Variants in CEACAM20 observed in about 807,000 individuals in gnomAD.
CEACAM20 encodes CEA cell adhesion molecule 20.
Under a neutral mutation model 61.2 loss-of-function variants are expected in CEACAM20, and 50 were observed. The observed-to-expected ratio is 0.82, with a 90% CI of 0.65 to 1.03. The LOEUF (loss-of-function observed/expected upper bound fraction) is 1.03. CEACAM20 is among the 50% of genes least tolerant of loss of function. The probability of loss-of-function intolerance (pLI) is 0.00; values close to 1 mark genes in which losing one functional copy is unlikely to be tolerated. For missense variants in CEACAM20, 683 were observed against 736.4 expected, an observed-to-expected ratio of 0.93 and a Z score of 0.84; for synonymous variants, 282 against 287.7, an observed-to-expected ratio of 0.98 and a Z score of 0.20.
At chr19:44,515,014 T>G (rs1352181971) in intron 6 of CEACAM20, among the ~76,000 whole-genome samples, 1 of 151,794 alleles carries the variant, frequency 6.6e-6, no homozygotes, top group Non-Finnish European at 1.5e-5. Context: ...ATTTTTGTAT[T>G]TTTAGTAGAG....
At position 44,520,665 on chromosome 19, in the gene CEACAM20, T is replaced by C. The variant is rs766165296; in HGVS notation, c.839A>G (p.Asn280Ser). 4 of 1,614,038 alleles carry C rather than the reference T, an allele frequency of 2.5e-6. No homozygotes were observed. Among genetic ancestry groups the C allele is most frequent in the South Asian group, 1.1e-5 (1 of 91,088 alleles). The change falls in exon 5 of 12, where the codon AAT becomes AGT. Residue 280 changes from asparagine to serine, a missense_variant. Coordinates refer to ENST00000614924, the MANE Select transcript of CEACAM20 (RefSeq NM_001102597.3). ...RSVDLTCQTV[N>S]QSVNVQWFLS... ...GAACCACTGGACATTCACACTCTGA[T>C]TGACGGTTTGGCAGGTCAGGTCCAC...
rs113191889 is a variant in CEACAM20, at chr19:44,524,753, GT to G, written c.196+347del. On this transcript the variant is annotated intron_variant, in intron 2 of 11. Transcript: ENST00000614924. ...CACCACCAAACCTGGAGGATTTTGT[GT>G]TTTTTTTGTACACATGGGGTCCCCC... Among the ~76,000 whole-genome samples the G allele has an allele frequency of 8.6e-5, 13 of 151,838 alleles. No homozygotes were observed. The East Asian group carries it at 1.4e-3, about 16-fold the overall frequency.
intron 1 of CEACAM20, among the ~76,000 whole-genome samples, chr19:44,528,755 G>A (rs569553438): frequency 1.3e-5 from 2 of 150,686 alleles, no homozygotes; most frequent in South Asian, 4.2e-4. Flanking sequence ...TCAGTCTCTT[G>A]CATCTGTATT....
chr19:44,511,506 T>C, intron 10 of CEACAM20, 131 bp downstream of exon 10: 1 of 946,144 alleles, frequency 1.1e-6, no homozygotes, highest in Non-Finnish European at 1.6e-6. Flanking sequence ...GCTACTCTCT[T>C]CCCATCCCTG....
chr19:44,518,235 AAAGG>A lies in CEACAM20; in HGVS notation c.1031-1015_1031-1012del, dbSNP rs1359785245. 2.5e-3 allele frequency among the ~76,000 whole-genome samples: 129 copies of A among 52,634 alleles called. 1 individual carries two copies. Among genetic ancestry groups the A allele is most frequent in the African/African-American group, 0.014 (77 of 5,408 alleles). 34.5% of individuals were successfully genotyped at this position (52,634 alleles called of 152,430 possible). A position where few individuals can be genotyped will look rare whatever the true frequency, so the allele number is the denominator to read the frequency against. On this transcript the variant is annotated intron_variant, in intron 5 of 11. Coordinates refer to ENST00000614924, the MANE Select transcript of CEACAM20 (RefSeq NM_001102597.3). Reference sequence around the variant, plus strand: ...GAAGGAAGGAGAGAGAGAGAGAGAGAAAGGAAGGAAGGAAGGAAGGAAGGAAAGG... The same window carrying A: ...GAAGGAAGGAGAGAGAGAGAGAGAGAAAGGAAGGAAGGAAGGAAGGAAAGG...
At chr19:44,509,085 G>A (rs572662690) in intron 11 of CEACAM20, among the ~76,000 whole-genome samples, 2 of 152,208 alleles carry the variant, frequency 1.3e-5, no homozygotes, top group Non-Finnish European at 2.9e-5. Flanking sequence ...ATGAAATGGA[G>A]GGAAATTGAA....
At chr19:44,509,372 C>CGG (rs1970907645) in intron 11 of CEACAM20, among the ~76,000 whole-genome samples, 1 of 126,616 alleles carries the variant, frequency 7.9e-6, no homozygotes, top group Non-Finnish European at 1.8e-5. Flanking sequence ...AAAAAAAAAA[C>CGG]AGAAAAGGGG....
intron 8 of CEACAM20, among the ~76,000 whole-genome samples, chr19:44,512,314 C>G (rs1333234265): frequency 6.6e-6 from 1 of 152,304 alleles, no homozygotes; most frequent in Non-Finnish European, 1.5e-5. Flanking sequence ...AGTTTTGACA[C>G]TGGGTCCTCT....
intron 3 of CEACAM20, among the ~76,000 whole-genome samples, chr19:44,523,779 A>T (rs1478800917): frequency 6.6e-6 from 1 of 152,100 alleles, no homozygotes; most frequent in African/African-American, 2.4e-5. Context: ...CTGACATTTC[A>T]TCTCCATCTG....
intron 10 of CEACAM20, 40 bp from the exon 11 acceptor site, chr19:44,511,195 C>A (rs1183331833): frequency 8.1e-6 from 13 of 1,608,358 alleles, no homozygotes; most frequent in Non-Finnish European, 1.0e-5. Context: ...CCCACAGACA[C>A]AGATTGCCAG....
rs57244256 is a variant in CEACAM20 at position 44,520,845 on chromosome 19, C to CGT, written c.752-95_752-94dup. 1.9e-3 allele frequency: 1,852 copies of CGT among 974,122 alleles called. 1 individual carries two copies. Among genetic ancestry groups the CGT allele is most frequent in the Admixed American group, 2.8e-3 (135 of 47,432 alleles). The allele number at this position is 974,122 out of a possible 1,614,324, so 60.3% of individuals were successfully genotyped here. On this transcript the variant is annotated intron_variant, in intron 4 of 11. Transcript: ENST00000614924. Reference sequence around the variant, plus strand: ...CCACAAGTTTTTCCAGGAGTGCGTGCGTGTGTGTGTGTGTGTGTGTGTGTT... The same window carrying CGT: ...CCACAAGTTTTTCCAGGAGTGCGTGCGTGTGTGTGTGTGTGTGTGTGTGTGTT...
intron 5 of CEACAM20, among the ~76,000 whole-genome samples, chr19:44,520,163 T>C (rs757759043): frequency 2.1e-4 from 32 of 152,110 alleles, no homozygotes; most frequent in Admixed American, 3.3e-4. Context: ...CAAATACAAC[T>C]CCTTCTCTCA....
intron 1 of CEACAM20, among the ~76,000 whole-genome samples, chr19:44,527,966 C>T (rs1242320109): frequency 6.6e-6 from 1 of 152,124 alleles, no homozygotes; most frequent in Non-Finnish European, 1.5e-5. Context: ...GCTGGCACAG[C>T]CTCCCTCCAC....
In CEACAM20 at chr19:44,520,876, T is replaced by C. The variant is rs576421937; in HGVS notation, c.752-124A>G. On this transcript the variant is annotated intron_variant, in intron 4 of 11. Coordinates refer to ENST00000614924, the MANE Select transcript of CEACAM20 (RefSeq NM_001102597.3). ...TGTGTGTGTGTGTGTGTGTTACAGG[T>C]GGTGTATATGATTTGCATAATGCTG... 6.3e-5 allele frequency: 59 copies of C among 932,794 alleles called. No homozygotes were observed. The African/African-American group carries it at 8.2e-4, about 13-fold the overall frequency. The allele number at this position is 932,794 out of a possible 1,614,324, so 57.8% of individuals were successfully genotyped here.
At chr19:44,526,887 CAAACA>C (rs961229890) in intron 1 of CEACAM20, among the ~76,000 whole-genome samples, 18 of 150,074 alleles carry the variant, frequency 1.2e-4, no homozygotes, top group African/African-American at 4.2e-4. Context: ...AACAAACAAA[CAAACA>C]AAAAAAAAAC....
At chr19:44,523,267 G>A (rs981925405) in intron 3 of CEACAM20, among the ~76,000 whole-genome samples, 5 of 151,944 alleles carry the variant, frequency 3.3e-5, no homozygotes, top group South Asian at 2.1e-4. Flanking sequence ...AAATTAGCCC[G>A]GTGCAATGGC....
At chr19:44,517,696 C>CAA (rs1165418272) in intron 5 of CEACAM20, among the ~76,000 whole-genome samples, 38 of 65,990 alleles carry the variant, frequency 5.8e-4, no homozygotes, top group African/African-American at 2.2e-3. Flanking sequence ...GATTCCATCT[C>CAA]AAAAAAAAAA....
At chr19:44,509,363 A>T (rs905274018) in intron 11 of CEACAM20, among the ~76,000 whole-genome samples, 12 of 53,046 alleles carry the variant, frequency 2.3e-4, no homozygotes, top group Non-Finnish European at 3.7e-4. Flanking sequence ...AACGAAATTA[A>T]AAAAAAAACA....
chr19:44,509,394 G>A (rs1970908704), intron 11 of CEACAM20, among the ~76,000 whole-genome samples: 1 of 151,682 alleles, frequency 6.6e-6, no homozygotes, highest in Non-Finnish European at 1.5e-5. Flanking sequence ...GAAATGGAAT[G>A]CCATGGAATA....
Sources: allele counts gnomAD v4.1 joint callset (sites outside exome capture counted in the v4.1 genomes callset), GRCh38; gene constraint gnomAD v4.1.1; transcripts MANE v1.5; gene names NCBI Gene and HGNC (gene_info 2026-07-23, HGNC 2026-07-21).